DEPDC4: variants seen among roughly 807,000 people sequenced by gnomAD.
DEPDC4 encodes DEP domain-containing protein 4.
In DEPDC4, 52 loss-of-function variants were observed where a neutral mutation model predicts 52.0. The ratio of observed to expected loss-of-function variants is 1.00; its 90% CI spans 0.80 to 1.26. The LOEUF (loss-of-function observed/expected upper bound fraction) is 1.26, where lower values mean the gene tolerates loss of function less well. Ranked by LOEUF, DEPDC4 falls within the 50% of genes most tolerant of loss-of-function variation. The pLI is 0.00. For missense variants in DEPDC4, 530 were observed against 546.9 expected (o/e 0.97, Z 0.31); for synonymous variants, 201 against 196.8 (o/e 1.02, Z -0.18).
At chr12:100,274,714 A>G in the DEPDC4 span, among the ~76,000 whole-genome samples, 1 of 152,344 alleles carries the variant, frequency 6.6e-6, no homozygotes, top group African/African-American at 2.4e-5. Flanking sequence ...GTGGGAAAAA[A>G]TTGTGAACAA....
At chr12:100,237,969 T>C, downstream of DEPDC4, 2 of 546,896 alleles carry the variant, frequency 3.7e-6, no homozygotes, top group Non-Finnish European at 4.7e-6. Flanking sequence ...AATCCCTACC[T>C]GATTCACACT....
intron 2 of DEPDC4, 136 bp from the exon 3 acceptor site, chr12:100,262,545 G>T: frequency 1.7e-6 from 1 of 588,994 alleles, no homozygotes; most frequent in East Asian, 3.6e-5. Flanking sequence ...TATAATAAAA[G>T]ATGCAAATAA....
chr12:100,253,524 T>G lies in DEPDC4; in HGVS notation c.1070A>C (p.Tyr357Ser), dbSNP rs892852072. Residue 357 changes from tyrosine (Y) to serine (S), a missense_variant, in exon 5 of 10, where the codon TAT (tyrosine) becomes TCT (serine). Coordinates refer to ENST00000550587, the MANE Select transcript of DEPDC4 (RefSeq NM_001364818.2). ...AATAATTCCTGAATGAATATCAAAA[T>G]ACTCATCAGTTAATAGGCAATCTCT... Reference protein sequence around the residue: ...QERDCLLTDEYFDIHSGIIEL... With the variant: ...QERDCLLTDESFDIHSGIIEL... 3.9e-6 allele frequency: 5 copies of G among 1,285,426 alleles called. No individual in the cohort carries two copies. The highest frequency in any genetic ancestry group is 1.5e-5 in the African/African-American group (1 of 65,776). The allele number at this position is 1,285,426 out of a possible 1,614,324, so 79.6% of individuals were successfully genotyped here. A position where few individuals can be genotyped will look rare whatever the true frequency, so the allele number is the denominator to read the frequency against.
intron 9 of DEPDC4, among the ~76,000 whole-genome samples, chr12:100,232,839 G>A (rs1306070409): frequency 3.3e-5 from 5 of 152,046 alleles, no homozygotes; most frequent in Admixed American, 1.3e-4. Context: ...AGCCGAGATC[G>A]CGCCATTGCA....
chr12:100,252,255 A>C lies in DEPDC4; in HGVS notation c.1295T>G (p.Leu432Trp). 7.2e-7 allele frequency: 1 copy of C among 1,390,562 alleles called. No homozygotes were observed. The highest frequency in any genetic ancestry group is 9.4e-7 in the Non-Finnish European group (1 of 1,069,312). The allele number at this position is 1,390,562 out of a possible 1,614,324, so 86.1% of individuals were successfully genotyped here. The change falls in exon 7 of 10, where the codon TTG becomes TGG. Residue 432 changes from leucine (L) to tryptophan (W), a missense_variant. By Grantham distance (61) the Leu-to-Trp change is moderately conservative. Coordinates refer to ENST00000550587, the MANE Select transcript of DEPDC4 (RefSeq NM_001364818.2). ...CACTTTTAATAATGATTTGGCTTGC[A>C]AAACTGATTTGGCAAGAGTTTTCAG... The part of the protein sequence containing the change: ...VVLKTLAKSV[L>W]QAKSLLKVRA...
At chr12:100,279,391 TA>T in the DEPDC4 span, among the ~76,000 whole-genome samples, 2 of 152,238 alleles carry the variant, frequency 1.3e-5, no homozygotes, top group Admixed American at 1.3e-4. Context: ...GCCCGGTTCC[TA>T]ATAGGCCGTG....
chr12:100,277,227 G>T, the DEPDC4 span, among the ~76,000 whole-genome samples: 1 of 152,184 alleles, frequency 6.6e-6, no homozygotes, highest in Non-Finnish European at 1.5e-5. Flanking sequence ...TTACATGTCT[G>T]CATGAAAACA....
intron 1 of DEPDC4, 81 bp downstream of exon 1, chr12:100,266,836 TGAG>T: frequency 1.3e-6 from 2 of 1,501,296 alleles, no homozygotes; most frequent in Middle Eastern, 1.8e-4. Flanking sequence ...CCTGGACCAA[TGAG>T]GAGCAGAGTC....
intron 9 of DEPDC4, among the ~76,000 whole-genome samples, chr12:100,235,001 C>T (rs543228140): frequency 6.6e-6 from 1 of 152,072 alleles, no homozygotes; most frequent in African/African-American, 2.4e-5. Context: ...AAACAAGTTT[C>T]ATTGTTTACA....
At chr12:100,268,732 A>C (rs2096283248), upstream of DEPDC4, among the ~76,000 whole-genome samples, 1 of 152,186 alleles carries the variant, frequency 6.6e-6, no homozygotes, top group Non-Finnish European at 1.5e-5. Context: ...ACTCATATTC[A>C]CATGTTTGAA....
Position 100,253,697 on chromosome 12 carries a change from A to G in DEPDC4, c.897T>C (p.Asn299=). The stretch of plus-strand genomic sequence containing the variant: ...AATACTCCAAGCATTCAATTGCTGC[A>G]TTAAGCCAGTTATCGATTCTAGAGG... ...LCLPEIDNWL[N]AAIECLEYFP... Residue 299 remains asparagine, a synonymous_variant, in exon 5 of 10, where the codon AAT becomes AAC. Transcript: ENST00000550587. The G allele has an allele frequency of 7.8e-7, 1 of 1,289,056 alleles. No homozygotes were observed. The highest frequency in any genetic ancestry group is 1.2e-5 in the South Asian group (1 of 80,706). 79.9% of individuals were successfully genotyped at this position (1,289,056 alleles called of 1,614,324 possible).
At chr12:100,233,644 A>C (rs752287941) in intron 9 of DEPDC4, among the ~76,000 whole-genome samples, 4 of 152,222 alleles carry the variant, frequency 2.6e-5, no homozygotes, top group Non-Finnish European at 4.4e-5. Flanking sequence ...ATTAGGTAGC[A>C]TCATTGGTTA....
the DEPDC4 span, among the ~76,000 whole-genome samples, chr12:100,277,190 C>T: frequency 6.6e-6 from 1 of 152,120 alleles, no homozygotes; most frequent in African/African-American, 2.4e-5. Flanking sequence ...TGTTACGTGT[C>T]TACATGAAAA....
At chr12:100,279,813 C>G in the DEPDC4 span, among the ~76,000 whole-genome samples, 1 of 152,186 alleles carries the variant, frequency 6.6e-6, no homozygotes, top group Admixed American at 6.5e-5. Context: ...ACTGATAGCT[C>G]TCTAGTTTGG....
chr12:100,276,651 T>A, the DEPDC4 span, among the ~76,000 whole-genome samples: 1 of 152,322 alleles, frequency 6.6e-6, no homozygotes, highest in Non-Finnish European at 1.5e-5. Flanking sequence ...ATTTTCTTGA[T>A]CAATATAGCT....
intron 2 of DEPDC4, among the ~76,000 whole-genome samples, chr12:100,262,792 G>T (rs1050276056): frequency 6.6e-6 from 1 of 152,126 alleles, no homozygotes; most frequent in Admixed American, 6.6e-5. Flanking sequence ...AAAAATTTAT[G>T]TGATAATGTC....
At chr12:100,243,546 C>G (rs1189558014) in intron 8 of DEPDC4, among the ~76,000 whole-genome samples, 1 of 152,152 alleles carries the variant, frequency 6.6e-6, no homozygotes, top group Non-Finnish European at 1.5e-5. Context: ...CACCTTTACT[C>G]TAAAATCCTT....
chr12:100,236,619 C>T (rs2096141746), downstream of DEPDC4, among the ~76,000 whole-genome samples: 1 of 152,070 alleles, frequency 6.6e-6, no homozygotes, highest in Non-Finnish European at 1.5e-5. Flanking sequence ...GATTTTCTCC[C>T]ACTCTATGGG....
At chr12:100,239,083 G>C (rs960663131), downstream of DEPDC4, among the ~76,000 whole-genome samples, 4 of 152,100 alleles carry the variant, frequency 2.6e-5, no homozygotes, top group Non-Finnish European at 5.9e-5. Context: ...ATTTTTGTTT[G>C]TTAGTTTTTT....
Sources: allele counts gnomAD v4.1 joint callset (sites outside exome capture counted in the v4.1 genomes callset), GRCh38; gene constraint gnomAD v4.1.1; transcripts MANE v1.5; gene names NCBI Gene and HGNC (gene_info 2026-07-23, HGNC 2026-07-21).